Variants in TRAK1 observed in about 807,000 individuals in gnomAD.
TRAK1 encodes the protein trafficking kinesin-binding protein 1.
A neutral mutation model predicts 92.1 loss-of-function variants in TRAK1; 33 were observed. The ratio of observed to expected loss-of-function variants is 0.36; its 90% confidence interval spans 0.27 to 0.48. The LOEUF (loss-of-function observed/expected upper bound fraction) is 0.48. TRAK1 is among the 20% of genes least tolerant of loss of function. TRAK1 has a pLI of 0.99. For missense variants in TRAK1, 1,123 were observed against 1,257.9 expected (o/e 0.89, Z 1.62); for synonymous variants, 521 against 517.3 (o/e 1.01, Z -0.10).
intron 3 of TRAK1, among the ~76,000 whole-genome samples, chr3:42,183,832 A>G (rs979789753): frequency 2.0e-5 from 3 of 152,068 alleles, no homozygotes; most frequent in Admixed American, 6.6e-5. Flanking sequence ...ACTGGTAGCA[A>G]CTCGCTAAGT....
chr3:42,121,152 C>G (rs1709797016), intron 1 of TRAK1, among the ~76,000 whole-genome samples: 1 of 152,106 alleles, frequency 6.6e-6, no homozygotes, highest in Non-Finnish European at 1.5e-5. Flanking sequence ...TGCATCCCAG[C>G]TTACTGATCT....
intron 1 of TRAK1, among the ~76,000 whole-genome samples, chr3:42,022,737 A>AC (rs113867520): frequency 2.0e-3 from 301 of 150,512 alleles, no homozygotes; most frequent in Non-Finnish European, 3.6e-3. Context: ...AAAAAAAACA[A>AC]AAACAAAAAA....
chr3:42,127,901 G>A (rs182196574), intron 2 of TRAK1, among the ~76,000 whole-genome samples: 4 of 152,224 alleles, frequency 2.6e-5, no homozygotes, highest in Admixed American at 2.0e-4. Flanking sequence ...ACTTGAGGCC[G>A]GGCGTGGTGG....
intron 1 of TRAK1, among the ~76,000 whole-genome samples, chr3:42,034,341 G>T (rs1417945950): frequency 6.6e-6 from 1 of 152,132 alleles, no homozygotes; most frequent in Non-Finnish European, 1.5e-5. Context: ...ACCCAGGCTG[G>T]AGTGCAGTGG....
chr3:42,213,088 T>C (rs1709271194), intron 14 of TRAK1, among the ~76,000 whole-genome samples: 1 of 146,160 alleles, frequency 6.8e-6, no homozygotes, highest in Admixed American at 7.1e-5. Flanking sequence ...AGACGGAGTC[T>C]TGCTCTGTTG....
chr3:42,039,856 T>G (rs72867933), intron 1 of TRAK1, among the ~76,000 whole-genome samples: 15,319 of 152,226 alleles, frequency 0.1, 2,634 homozygotes, highest in African/African-American at 0.35. Flanking sequence ...TATTATGGTT[T>G]CATTCTCCCT....
intron 2 of TRAK1, chr3:42,146,128 C>A: frequency 2.2e-6 from 1 of 448,106 alleles, no homozygotes. Context: ...ACACCAACTA[C>A]ATTGTGTCCT....
intron 3 of TRAK1, among the ~76,000 whole-genome samples, chr3:42,179,147 A>G (rs1703644076): frequency 6.6e-6 from 1 of 152,218 alleles, no homozygotes; most frequent in African/African-American, 2.4e-5. Context: ...CTTCATGGCA[A>G]CAGCGTCTGT....
intron 1 of TRAK1, among the ~76,000 whole-genome samples, chr3:42,068,931 C>T (rs2148934885): frequency 6.6e-6 from 1 of 152,316 alleles, no homozygotes; most frequent in African/African-American, 2.4e-5. Flanking sequence ...GTGACCTATT[C>T]TGACTGTGTC....
chr3:42,040,885 G>A (rs536699210), intron 1 of TRAK1, among the ~76,000 whole-genome samples: 2 of 152,144 alleles, frequency 1.3e-5, no homozygotes, highest in South Asian at 4.2e-4. Flanking sequence ...CACCATGTTG[G>A]CCAGGTTGAT....
chr3:42,075,905 C>A (rs528513236), intron 1 of TRAK1, among the ~76,000 whole-genome samples: 1 of 152,076 alleles, frequency 6.6e-6, no homozygotes, highest in Non-Finnish European at 1.5e-5. Flanking sequence ...TGCAGTGGCA[C>A]GATCTCGACT....
intron 1 of TRAK1, among the ~76,000 whole-genome samples, chr3:42,045,676 T>C (rs1702725596): frequency 1.3e-5 from 2 of 152,176 alleles, no homozygotes; most frequent in South Asian, 2.1e-4. Flanking sequence ...GTACAGACTT[T>C]GGAGAGATGG....
At chr3:42,151,046 T>A (rs1258111948) in intron 2 of TRAK1, among the ~76,000 whole-genome samples, 1 of 152,210 alleles carries the variant, frequency 6.6e-6, no homozygotes, top group Non-Finnish European at 1.5e-5. Context: ...TCTATAACTT[T>A]TTAAAGTAAG....
chr3:42,163,081 A>G (rs568014342), intron 2 of TRAK1, among the ~76,000 whole-genome samples: 82 of 152,294 alleles, frequency 5.4e-4, no homozygotes, highest in African/African-American at 1.9e-3. Flanking sequence ...GAGGTCAAAT[A>G]CTGTTATTAT....
chr3:42,139,533 C>T (rs1317872978), intron 2 of TRAK1, among the ~76,000 whole-genome samples: 1 of 152,126 alleles, frequency 6.6e-6, no homozygotes, highest in East Asian at 1.9e-4. Context: ...CACCAGGAGC[C>T]TTTCACAGTG....
At chr3:42,104,949 C>CTT (rs34326359) in intron 1 of TRAK1, among the ~76,000 whole-genome samples, 25 of 130,760 alleles carry the variant, frequency 1.9e-4, no homozygotes, top group Middle Eastern at 4.0e-3. Flanking sequence ...AGCTAAAAAT[C>CTT]TTTTTTTTTT....
At chr3:42,088,629 T>G (rs1000290898), upstream of TRAK1, among the ~76,000 whole-genome samples, 1 of 152,166 alleles carries the variant, frequency 6.6e-6, no homozygotes, top group African/African-American at 2.4e-5. Context: ...CTCTCTGGAG[T>G]CCACTGCAGG....
intron 1 of TRAK1, among the ~76,000 whole-genome samples, chr3:42,075,368 AAT>A (rs1704107951): frequency 7.0e-6 from 1 of 143,676 alleles, no homozygotes; most frequent in African/African-American, 2.6e-5. Context: ...AAAAAAAAAG[AAT>A]GAGGTATTAC....
At chr3:42,179,675 G>T (rs939761899) in intron 3 of TRAK1, among the ~76,000 whole-genome samples, 9 of 152,162 alleles carry the variant, frequency 5.9e-5, no homozygotes, top group Non-Finnish European at 1.2e-4. Context: ...GTAAAAAGGG[G>T]CTGAGACTCA....
Sources: allele counts gnomAD v4.1 joint callset (sites outside exome capture counted in the v4.1 genomes callset), GRCh38; gene constraint gnomAD v4.1.1; transcripts MANE v1.5; gene names NCBI Gene and HGNC (gene_info 2026-07-23, HGNC 2026-07-21).